The following OAS2 variants were observed in gnomAD, a reference collection of about 807,000 sequenced individuals.
OAS2 encodes the protein 2'-5'-oligoadenylate synthetase 2.
A neutral mutation model predicts 71.3 loss-of-function variants in OAS2; 67 were observed. The observed-to-expected ratio is 0.94, with a 90% CI of 0.77 to 1.15. OAS2 has a LOEUF of 1.15. Among genes scored for constraint, OAS2 ranks in the 50% most tolerant of loss-of-function variants. The pLI, the probability that OAS2 is intolerant of heterozygous loss-of-function variation, is 0.00. For missense variants in OAS2, 789 were observed against 822.5 expected (o/e 0.96, Z 0.50); for synonymous variants, 327 against 321.8 (o/e 1.02, Z -0.17).
chr12:112,990,761 G>T (rs2044184055), intron 2 of OAS2, among the ~76,000 whole-genome samples: 1 of 152,164 alleles, frequency 6.6e-6, no homozygotes, highest in Admixed American at 6.5e-5. Context: ...GTGTCATACT[G>T]CTACAAAGAG....
At chr12:112,979,609 G>A (rs2044060891) in intron 1 of OAS2, among the ~76,000 whole-genome samples, 1 of 152,056 alleles carries the variant, frequency 6.6e-6, no homozygotes, top group Non-Finnish European at 1.5e-5. Context: ...ACACTATCCT[G>A]CCTCTCAATT....
chr12:112,996,994 G>A (rs1254592103), intron 3 of OAS2, among the ~76,000 whole-genome samples: 1 of 152,156 alleles, frequency 6.6e-6, no homozygotes, highest in East Asian at 1.9e-4. Flanking sequence ...CCTGCCAGTG[G>A]ATTTGCTTGG....
rs1209833685 is a variant in OAS2, at chr12:113,011,048, T to G, written c.*1793T>G. The G allele has an allele frequency of 3.3e-5, 2 of 59,850 alleles. No homozygotes were observed. The highest frequency in any genetic ancestry group is 0.029 in the East Asian group (2 of 68). The allele number at this position is 59,850 out of a possible 1,614,324, so 3.7% of individuals were successfully genotyped here. ...GTTGTCTTTTCCTTCTGAGCCTGCC[T>G]TTCTCCCCCCCACCCAGGAGTATCC... On this transcript the variant is annotated 3_prime_UTR_variant, in exon 10 of 10. Coordinates refer to ENST00000392583, the MANE Select transcript of OAS2 (RefSeq NM_002535.3).
chr12:112,997,339 C>T (rs921838516), intron 3 of OAS2, among the ~76,000 whole-genome samples, 181 bp from the exon 4 acceptor site: 1 of 152,024 alleles, frequency 6.6e-6, no homozygotes, highest in African/African-American at 2.4e-5. Context: ...AAGAGAGGTC[C>T]CTGCTCCATC....
chr12:112,997,595 CA>C lies in OAS2; in HGVS notation c.704del (p.Gln235ArgfsTer20), dbSNP rs866140864. Reference sequence around the variant, plus strand: ...GCTGCTTACGGTGTATGCCTGGGAACAGGGGTGCAGAAAAGACAACTTTGAC... The same window carrying C: ...GCTGCTTACGGTGTATGCCTGGGAACGGGGTGCAGAAAAGACAACTTTGAC... ...LELLTVYAWE[Q>X]GCRKDNFDIA... is the part of the protein sequence containing the mutation. On this transcript the variant is annotated frameshift_variant, in exon 4 of 10. Coordinates refer to ENST00000392583, the MANE Select transcript of OAS2 (RefSeq NM_002535.3). LOFTEE classifies it high-confidence loss of function. 1 of 1,614,008 alleles carries C rather than the reference CA, an allele frequency of 6.2e-7. No individual in the cohort carries two copies. Among genetic ancestry groups the C allele is most frequent in the African/African-American group, 1.3e-5 (1 of 74,906 alleles).
intron 3 of OAS2, among the ~76,000 whole-genome samples, chr12:112,996,092 G>A (rs2044230225): frequency 6.6e-6 from 1 of 152,144 alleles, no homozygotes. Flanking sequence ...ATGAGCCATG[G>A]CACCCAGCCA....
chr12:113,003,048 AT>A lies in OAS2; in HGVS notation c.1127del (p.Phe376SerfsTer28), dbSNP rs1565996452. The A allele has an allele frequency of 6.2e-7, 1 of 1,614,186 alleles. No homozygotes were observed. Among genetic ancestry groups the A allele is most frequent in the East Asian group, 2.2e-5 (1 of 44,882 alleles). On this transcript the variant is annotated frameshift_variant, in exon 6 of 10. Coordinates refer to ENST00000392583, the MANE Select transcript of OAS2 (RefSeq NM_002535.3). LOFTEE classifies it high-confidence loss of function. Reference sequence around the variant, plus strand: ...ACAGTGCTGTTAACATCATCCGTACATTCCTTAAAGAAAACTGCTTCCGACA... The same window carrying A: ...ACAGTGCTGTTAACATCATCCGTACATCCTTAAAGAAAACTGCTTCCGACA... Reference protein sequence around the residue: ...IDSAVNIIRTFLKENCFRQST... With the variant: ...IDSAVNIIRTXLKENCFRQST...
intron 3 of OAS2, among the ~76,000 whole-genome samples, chr12:112,996,610 A>G (rs2044234933): frequency 6.6e-6 from 1 of 151,950 alleles, no homozygotes; most frequent in South Asian, 2.1e-4. Context: ...AAGCAGGGAG[A>G]ATTGGGCAGC....
chr12:112,984,354 A>G (rs1353160890), intron 1 of OAS2, among the ~76,000 whole-genome samples: 1 of 152,144 alleles, frequency 6.6e-6, no homozygotes, highest in Non-Finnish European at 1.5e-5. Context: ...TTTTTGACTT[A>G]AAGTCTACTC....
chr12:113,007,494 G>A (rs989067060), intron 8 of OAS2, among the ~76,000 whole-genome samples: 1 of 152,210 alleles, frequency 6.6e-6, no homozygotes, highest in Non-Finnish European at 1.5e-5. Context: ...ATTGTCCTAG[G>A]AAGGCATATA....
chr12:113,005,986 G>A (rs1055244422), intron 7 of OAS2, among the ~76,000 whole-genome samples: 3 of 148,244 alleles, frequency 2.0e-5, no homozygotes, highest in Non-Finnish European at 3.0e-5. Context: ...CCCAGGGGGC[G>A]GTAGTTCACA....
Position 113,004,956 on chromosome 12 carries a change from C to T in OAS2, c.1202C>T (p.Thr401Ile). 1.9e-6 allele frequency: 3 copies of T among 1,614,104 alleles called. No homozygotes were observed. Among genetic ancestry groups the T allele is most frequent in the Non-Finnish European group, 1.7e-6 (2 of 1,179,990 alleles). ...TAGGGAGGATCAACCGCCAAAGGCA[C>T]AGCTCTGAAGACTGGCTCTGATGCC... ...IVRGGSTAKGTALKTGSDADL... is the reference protein window; with the variant it reads ...IVRGGSTAKGIALKTGSDADL... Residue 401 changes from threonine to isoleucine, a missense_variant, in exon 7 of 10, where the codon ACA becomes ATA. Thr to Ile is a moderately conservative substitution (Grantham distance 89). Transcript: ENST00000392583.
At chr12:112,979,266 T>C (rs1168361703) in intron 1 of OAS2, among the ~76,000 whole-genome samples, 2 of 152,118 alleles carry the variant, frequency 1.3e-5, no homozygotes, top group Non-Finnish European at 2.9e-5. Context: ...GACACAAATC[T>C]CAGGACTGAG....
Position 112,987,056 on chromosome 12 carries a change from A to C in OAS2, c.196A>C (p.Lys66Gln), listed in dbSNP as rs1423844563. Residue 66 changes from lysine to glutamine, a missense_variant, in exon 2 of 10, where the codon AAA becomes CAA. By Grantham distance (53) the Lys-to-Gln change is moderately conservative. Transcript: ENST00000392583. ...GVAIGGSYGR[K>Q]TVLRGNSDGT... ...CTGGCAGGGTGGCTCCTATGGACGG[A>C]AAACAGTCTTAAGAGGCAACTCCGA... 6.2e-7 allele frequency: 1 copy of C among 1,611,362 alleles called. No homozygotes were observed.
At chr12:112,998,502 C>T (rs974267060) in intron 5 of OAS2, 92 bp downstream of exon 5, 56 of 1,394,034 alleles carry the variant, frequency 4.0e-5, no homozygotes, top group Non-Finnish European at 5.2e-5. Flanking sequence ...ACTCTATATT[C>T]GTTTCCTGTA....
chr12:112,995,626 C>T (rs1593200679), intron 3 of OAS2, 152 bp downstream of exon 3: 2 of 729,988 alleles, frequency 2.7e-6, no homozygotes, highest in Non-Finnish European at 4.4e-6. Flanking sequence ...GGGAACGTTT[C>T]GTGTACCCCA....
In OAS2 at chr12:112,997,617, T is replaced by C. The variant is rs538751468; in HGVS notation, c.725T>C (p.Phe242Ser). Residue 242 changes from phenylalanine to serine, a missense_variant, in exon 4 of 10, where the codon TTT becomes TCT. By Grantham distance (155) the Phe-to-Ser change is radical. Transcript: ENST00000392583. Reference protein sequence around the residue: ...AWEQGCRKDNFDIAEGVRTVL... With the variant: ...AWEQGCRKDNSDIAEGVRTVL... Reference sequence around the variant, plus strand: ...GAACAGGGGTGCAGAAAAGACAACTTTGACATTGCTGAAGGCGTCAGAACC... The same window carrying C: ...GAACAGGGGTGCAGAAAAGACAACTCTGACATTGCTGAAGGCGTCAGAACC... 5.6e-6 allele frequency: 9 copies of C among 1,614,096 alleles called. No individual in the cohort carries two copies. The African/African-American group carries it at 8.0e-5, about 14-fold the overall frequency.
intron 5 of OAS2, among the ~76,000 whole-genome samples, chr12:113,000,623 A>G (rs1283737150): frequency 3.3e-5 from 5 of 150,984 alleles, no homozygotes; most frequent in Admixed American, 3.3e-4. Flanking sequence ...GCACTCACAC[A>G]CATGCACACA....
In OAS2 at chr12:113,009,979, C is replaced by A. The variant is rs760958780; in HGVS notation, c.*724C>A. On this transcript the variant is annotated 3_prime_UTR_variant, in exon 10 of 10. Coordinates refer to ENST00000392583, the MANE Select transcript of OAS2 (RefSeq NM_002535.3). ...ATTTCTCAACTTTGATACTTACTCACATTTGGGGCTAGACAGTTCTTTGTT... is the reference window on the plus strand; with the variant it reads ...ATTTCTCAACTTTGATACTTACTCAAATTTGGGGCTAGACAGTTCTTTGTT... 1.0e-6 allele frequency: 1 copy of A among 981,994 alleles called. No individual in the cohort carries two copies. Among genetic ancestry groups the A allele is most frequent in the Non-Finnish European group, 1.2e-6 (1 of 826,186 alleles). 60.8% of individuals were successfully genotyped at this position (981,994 alleles called of 1,614,324 possible).
Sources: allele counts gnomAD v4.1 joint callset (sites outside exome capture counted in the v4.1 genomes callset), GRCh38; gene constraint gnomAD v4.1.1; transcripts MANE v1.5; gene names NCBI Gene and HGNC (gene_info 2026-07-23, HGNC 2026-07-21).